Variants in ADAMTSL1 observed in about 807,000 individuals in gnomAD.
The protein encoded by ADAMTSL1 is ADAMTS-like protein 1.
In ADAMTSL1, 126 loss-of-function variants were observed where a neutral mutation model predicts 201.8. The observed-to-expected ratio is 0.62, with a 90% CI of 0.54 to 0.72. ADAMTSL1 has a LOEUF of 0.72. Ranked by LOEUF, ADAMTSL1 falls within the 30% of genes least tolerant of loss-of-function variation. The pLI, the probability that ADAMTSL1 is intolerant of heterozygous loss-of-function variation, is 0.00. For synonymous variants in ADAMTSL1, 1,121 were observed against 903.4 expected (o/e 1.24, Z -4.32); for missense variants, 2,679 against 2,277.8 (o/e 1.18, Z -3.59).
chr9:18,316,298 G>T (rs1834391216), intron 2 of ADAMTSL1, among the ~76,000 whole-genome samples: 1 of 152,062 alleles, frequency 6.6e-6, no homozygotes, highest in Non-Finnish European at 1.5e-5. Flanking sequence ...ACAGGGTTTT[G>T]AGGGCAACTG....
At chr9:18,577,454 C>T (rs1211773314) in intron 4 of ADAMTSL1, among the ~76,000 whole-genome samples, 1 of 152,130 alleles carries the variant, frequency 6.6e-6, no homozygotes, top group East Asian at 1.9e-4. Context: ...CCACTGTACT[C>T]CAGCCTGGGT....
At chr9:18,784,832 G>A (rs1588106010) in intron 19 of ADAMTSL1, among the ~76,000 whole-genome samples, 1 of 152,190 alleles carries the variant, frequency 6.6e-6, no homozygotes, top group Non-Finnish European at 1.5e-5. Flanking sequence ...GAAGCACGGA[G>A]ATGTTAGATT....
At chr9:17,979,118 G>C (rs1211180383) in intron 1 of ADAMTSL1, among the ~76,000 whole-genome samples, 1 of 151,942 alleles carries the variant, frequency 6.6e-6, no homozygotes, top group Non-Finnish European at 1.5e-5. Context: ...CTCCGATTTT[G>C]ACAGTTTGAT....
Position 18,553,210 on chromosome 9 carries a change from C to CTT in ADAMTSL1, c.237+19932_237+19933dup, listed in dbSNP as rs35874115. Among the ~76,000 whole-genome samples the CTT allele has an allele frequency of 1.2e-3, 163 of 135,846 alleles. 1 individual carries two copies. Among genetic ancestry groups the CTT allele is most frequent in the South Asian group, 4.1e-3 (18 of 4,360 alleles). 89.1% of individuals were successfully genotyped at this position (135,846 alleles called of 152,430 possible). A position where few individuals can be genotyped will look rare whatever the true frequency, so the allele number is the denominator to read the frequency against. On this transcript the variant is annotated intron_variant, in intron 3 of 28. Coordinates refer to ENST00000380548, the MANE Select transcript of ADAMTSL1 (RefSeq NM_001040272.6). The stretch of plus-strand genomic sequence containing the variant: ...TTGACTTCTTAGAGCTAGTCCCAGT[C>CTT]TTTTTTTTTTTTTTTCTTATTATAC...
intron 1 of ADAMTSL1, among the ~76,000 whole-genome samples, chr9:18,153,320 G>C (rs1827003388): frequency 6.6e-6 from 1 of 152,148 alleles, no homozygotes; most frequent in East Asian, 1.9e-4. Context: ...TCTTGGGAAA[G>C]TCGATCTACT....
chr9:17,930,344 GT>G (rs1826727519), intron 1 of ADAMTSL1, among the ~76,000 whole-genome samples: 1 of 152,100 alleles, frequency 6.6e-6, no homozygotes, highest in Admixed American at 6.6e-5. Flanking sequence ...AATTGCACGG[GT>G]AAGTTTTCTT....
intron 1 of ADAMTSL1, among the ~76,000 whole-genome samples, chr9:18,484,472 T>C (rs936289809): frequency 5.3e-5 from 8 of 152,234 alleles, no homozygotes; most frequent in African/African-American, 1.7e-4. Context: ...TTCTTTTTCC[T>C]GAAATCCTCT....
At position 18,777,580 on chromosome 9, in the gene ADAMTSL1, C is replaced by T. The variant is rs1222345516; in HGVS notation, c.3351C>T (p.Asp1117=). The T allele has an allele frequency of 1.9e-6, 3 of 1,610,866 alleles. No individual in the cohort carries two copies. In the African/African-American group the frequency reaches 4.0e-5, roughly 22 times the overall value. Residue 1117 remains aspartate (D), a synonymous_variant, in exon 19 of 29, where the codon GAC becomes GAT. Transcript: ENST00000380548. The part of the protein sequence containing the change: ...EIFRSHLEHQ[D]TLLKPSERRT... Reference sequence around the variant, plus strand: ...TCCGCAGCCACCTGGAGCACCAGGACACGCTCCTGAAGCCCTCGGAGCGCA... The same window carrying T: ...TCCGCAGCCACCTGGAGCACCAGGATACGCTCCTGAAGCCCTCGGAGCGCA...
intron 2 of ADAMTSL1, among the ~76,000 whole-genome samples, chr9:18,215,778 T>C (rs1830035163): frequency 1.3e-5 from 2 of 152,054 alleles, no homozygotes; most frequent in Admixed American, 1.3e-4. Flanking sequence ...GGGAGTGACC[T>C]TAAAGGCAGG....
intron 27 of ADAMTSL1, among the ~76,000 whole-genome samples, chr9:18,906,414 C>T (rs964350570): frequency 1.3e-5 from 2 of 152,192 alleles, no homozygotes; most frequent in African/African-American, 4.8e-5. Context: ...AGACCAGGCT[C>T]TGCCGGTGTC....
chr9:18,619,858 C>T (rs996464311), intron 4 of ADAMTSL1, among the ~76,000 whole-genome samples: 8 of 152,208 alleles, frequency 5.3e-5, no homozygotes, highest in Middle Eastern at 3.4e-3. Context: ...GCTGTCCTTC[C>T]ACATGGTCAA....
chr9:18,556,347 CTA>C (rs1821109183), intron 3 of ADAMTSL1, among the ~76,000 whole-genome samples: 1 of 151,966 alleles, frequency 6.6e-6, no homozygotes, highest in Non-Finnish European at 1.5e-5. Flanking sequence ...ATAAGTGTCT[CTA>C]TGTTTTTGAA....
At chr9:18,409,324 A>T (rs1418664344) in intron 2 of ADAMTSL1, among the ~76,000 whole-genome samples, 1 of 146,706 alleles carries the variant, frequency 6.8e-6, no homozygotes, top group Non-Finnish European at 1.5e-5. Context: ...CAGAGGTTGC[A>T]GTGAACCAAG....
intron 2 of ADAMTSL1, among the ~76,000 whole-genome samples, chr9:18,440,659 T>C (rs571425989): frequency 6.6e-6 from 1 of 151,694 alleles, no homozygotes; most frequent in Admixed American, 6.6e-5. Flanking sequence ...TTTTTATAAG[T>C]AGGCTTTCCT....
intron 2 of ADAMTSL1, among the ~76,000 whole-genome samples, chr9:18,200,718 A>G (rs1160443866): frequency 6.6e-6 from 1 of 152,042 alleles, no homozygotes; most frequent in Non-Finnish European, 1.5e-5. Context: ...TTTCCAAATG[A>G]GTTATGTTTA....
chr9:18,666,929 A>C (rs961199228), intron 9 of ADAMTSL1, among the ~76,000 whole-genome samples: 1 of 151,568 alleles, frequency 6.6e-6, no homozygotes, highest in Non-Finnish European at 1.5e-5. Flanking sequence ...AGACAATCAG[A>C]GAACCACCTT....
chr9:18,567,676 A>C (rs1587590687), intron 3 of ADAMTSL1, among the ~76,000 whole-genome samples: 1 of 152,160 alleles, frequency 6.6e-6, no homozygotes, highest in East Asian at 1.9e-4. Context: ...CAAGACCCAC[A>C]GTGGATGTCT....
At chr9:18,452,969 A>G (rs973221864) in intron 2 of ADAMTSL1, among the ~76,000 whole-genome samples, 1 of 152,170 alleles carries the variant, frequency 6.6e-6, no homozygotes, top group Non-Finnish European at 1.5e-5. Context: ...CAAGGTTCCA[A>G]TAGGCTTTGT....
chr9:18,643,878 CAT>C (rs1827606465), intron 7 of ADAMTSL1, among the ~76,000 whole-genome samples: 1 of 151,374 alleles, frequency 6.6e-6, no homozygotes, highest in Admixed American at 6.6e-5. Context: ...TTTGTGGTTC[CAT>C]TTGAATTTTA....
Sources: allele counts gnomAD v4.1 joint callset (sites outside exome capture counted in the v4.1 genomes callset), GRCh38; gene constraint gnomAD v4.1.1; transcripts MANE v1.5; gene names NCBI Gene and HGNC (gene_info 2026-07-23, HGNC 2026-07-21).